Variants in KCNAB1 observed in about 807,000 individuals in gnomAD.
KCNAB1 encodes the protein potassium voltage-gated channel subfamily A regulatory beta subunit 1.
In KCNAB1, 35 loss-of-function variants were observed where a neutral mutation model predicts 64.6. The observed-to-expected ratio is 0.54, with a 90% confidence interval of 0.41 to 0.72. The LOEUF is 0.72. Ranked by LOEUF, KCNAB1 falls within the 30% of genes least tolerant of loss-of-function variation. KCNAB1 has a pLI of 0.00. For missense variants in KCNAB1, 401 were observed against 512.9 expected (o/e 0.78, Z 2.11); for synonymous variants, 177 against 183.8 (o/e 0.96, Z 0.30).
chr3:156,249,091 C>T (rs1332622754), intron 1 of KCNAB1, among the ~76,000 whole-genome samples: 1 of 150,952 alleles, frequency 6.6e-6, no homozygotes, highest in African/African-American at 2.4e-5. Context: ...TTCTGATGCA[C>T]CTGGAAGTCA....
chr3:156,183,083 A>G (rs1174911369), intron 1 of KCNAB1, among the ~76,000 whole-genome samples: 3 of 152,164 alleles, frequency 2.0e-5, no homozygotes, highest in Admixed American at 6.5e-5. Context: ...AGTACTTCAA[A>G]AATAACTAAA....
intron 1 of KCNAB1, among the ~76,000 whole-genome samples, chr3:156,387,014 C>CTTTTTTTTTTTTTTTTT (rs1194708289): frequency 1.9e-4 from 17 of 90,512 alleles, no homozygotes; most frequent in Non-Finnish European, 2.3e-4. Context: ...TTCTCTCTCT[C>CTTTTTTTTTTTTTTTTT]TTTTTTTTTT....
At chr3:156,202,250 C>T (rs1714382066) in intron 1 of KCNAB1, among the ~76,000 whole-genome samples, 1 of 152,206 alleles carries the variant, frequency 6.6e-6, no homozygotes, top group Non-Finnish European at 1.5e-5. Flanking sequence ...TGAGGAGTCT[C>T]CTCCTGCTGG....
chr3:156,312,627 G>T (rs1025566041), intron 1 of KCNAB1, among the ~76,000 whole-genome samples: 3 of 127,698 alleles, frequency 2.3e-5, no homozygotes, highest in African/African-American at 1.2e-4. Context: ...CAGGAGAATC[G>T]CTTGAACCTG....
chr3:156,255,929 G>T (rs905364893), intron 1 of KCNAB1, among the ~76,000 whole-genome samples: 23 of 152,298 alleles, frequency 1.5e-4, no homozygotes, highest in Middle Eastern at 3.4e-3. Flanking sequence ...GGGAAAATGG[G>T]TCTTATTTAT....
intron 1 of KCNAB1, among the ~76,000 whole-genome samples, chr3:156,138,366 A>C (rs555551967): frequency 6.6e-6 from 1 of 152,270 alleles, no homozygotes; most frequent in South Asian, 2.1e-4. Context: ...CCCTTGTCCA[A>C]ATTGACTTGG....
chr3:156,445,424 G>A (rs1048254165), intron 2 of KCNAB1, among the ~76,000 whole-genome samples: 4 of 152,204 alleles, frequency 2.6e-5, no homozygotes, highest in Admixed American at 2.6e-4. Flanking sequence ...AAATACTGAT[G>A]CCAGGATTCC....
chr3:156,319,958 A>T (rs569563091), intron 1 of KCNAB1, among the ~76,000 whole-genome samples: 1 of 152,328 alleles, frequency 6.6e-6, no homozygotes, highest in African/African-American at 2.4e-5. Flanking sequence ...AATGTAGATC[A>T]TACAGGCCCT....
intron 1 of KCNAB1, among the ~76,000 whole-genome samples, chr3:156,282,019 G>A (rs1480966083): frequency 1.3e-5 from 2 of 151,332 alleles, no homozygotes; most frequent in Non-Finnish European, 2.9e-5. Flanking sequence ...TTTTGAATGT[G>A]TTTGCTCTTG....
chr3:156,372,800 G>A (rs1029553409), intron 1 of KCNAB1, among the ~76,000 whole-genome samples: 2 of 152,242 alleles, frequency 1.3e-5, no homozygotes, highest in Non-Finnish European at 2.9e-5. Context: ...GTTAGGGAAT[G>A]CCAAGGTGAG....
intron 1 of KCNAB1, chr3:156,143,275 G>C: frequency 6.2e-7 from 1 of 1,613,980 alleles, no homozygotes. Flanking sequence ...ATGGCACCTA[G>C]CAGTGACCAA....
intron 1 of KCNAB1, among the ~76,000 whole-genome samples, chr3:156,254,508 T>C (rs1382681256): frequency 6.6e-6 from 1 of 152,242 alleles, no homozygotes; most frequent in Non-Finnish European, 1.5e-5. Flanking sequence ...TGGCCACTGC[T>C]CAGACCAAGA....
chr3:156,291,220 G>C, intron 1 of KCNAB1: 1 of 986,184 alleles, frequency 1.0e-6, no homozygotes, highest in Non-Finnish European at 1.2e-6. Flanking sequence ...CTGCAAACCC[G>C]TGTCGGTGCA....
rs117065384 is a variant in KCNAB1, at chr3:156,433,684, T to A, written c.319+12025T>A. ...GAAAGTGCTGCTGGAAGCCACCTGA[T>A]GTTGAAGGATGAATAGCAATCTGTC... On this transcript the variant is annotated intron_variant, in intron 2 of 13. Transcript: ENST00000490337. 1.1e-3 allele frequency among the ~76,000 whole-genome samples: 168 copies of A among 152,334 alleles called. 5 individuals carry two copies. In the East Asian group the frequency reaches 0.025, roughly 23 times the overall value.
chr3:156,451,422 A>G (rs11922703), intron 2 of KCNAB1, among the ~76,000 whole-genome samples: 27,604 of 152,152 alleles, frequency 0.18, 3,595 homozygotes, highest in African/African-American at 0.37. Context: ...CTAATAAGGC[A>G]GTGTGGTGTG....
At chr3:156,120,564 A>G, upstream of KCNAB1, 1 of 1,607,100 alleles carries the variant, frequency 6.2e-7, no homozygotes, top group African/African-American at 1.3e-5. Context: ...ATCAATTCAG[A>G]TTACTTTGAT....
At chr3:156,418,726 A>G (rs1390200462) in intron 1 of KCNAB1, among the ~76,000 whole-genome samples, 1 of 152,258 alleles carries the variant, frequency 6.6e-6, no homozygotes, top group Non-Finnish European at 1.5e-5. Context: ...AAGTTAGAGC[A>G]ATGCACACAG....
At chr3:156,197,762 T>A (rs1714050492) in intron 1 of KCNAB1, among the ~76,000 whole-genome samples, 2 of 152,198 alleles carry the variant, frequency 1.3e-5, no homozygotes, top group African/African-American at 4.8e-5. Flanking sequence ...ATTCATTGAT[T>A]TTTGAAGGGA....
chr3:156,219,842 T>C (rs1448626345), intron 1 of KCNAB1, among the ~76,000 whole-genome samples: 1 of 152,002 alleles, frequency 6.6e-6, no homozygotes, highest in Non-Finnish European at 1.5e-5. Context: ...ACATTAGGTA[T>C]TTCTCCTAAT....
Sources: gnomAD v4.1 joint callset for allele counts (sites outside exome capture counted in the v4.1 genomes callset) on GRCh38, gnomAD v4.1.1 for gene constraint, MANE v1.5 for transcripts, NCBI Gene and HGNC (gene_info 2026-07-23, HGNC 2026-07-21) for gene names.